Variants in ASTN2 observed in about 807,000 individuals in gnomAD.
The protein encoded by ASTN2 is astrotactin-2.
Under a neutral mutation model 139.8 loss-of-function variants are expected in ASTN2, and 54 were observed. The ratio of observed to expected loss-of-function variants is 0.39; its 90% confidence interval spans 0.31 to 0.48. The LOEUF is 0.48. Among genes scored for constraint, ASTN2 ranks in the 20% least tolerant of loss-of-function variants. The pLI is 0.95. For missense variants in ASTN2, 1,565 were observed against 1,725.1 expected (o/e 0.91, Z 1.64); for synonymous variants, 756 against 719.5 (o/e 1.05, Z -0.81).
At chr9:116,426,555 G>A (rs1316233876) in intron 22 of ASTN2, among the ~76,000 whole-genome samples, 1 of 152,130 alleles carries the variant, frequency 6.6e-6, no homozygotes, top group Non-Finnish European at 1.5e-5. Flanking sequence ...CTCAAGCAAG[G>A]CTCAGAATAA....
At chr9:116,743,793 G>A (rs112793872) in intron 13 of ASTN2, among the ~76,000 whole-genome samples, 3,511 of 152,212 alleles carry the variant, frequency 0.023, 141 homozygotes, top group South Asian at 0.16. Flanking sequence ...GTGAGCCACC[G>A]TACCAGGCAG....
chr9:117,364,816 A>C (rs1829790454), intron 1 of ASTN2, among the ~76,000 whole-genome samples: 1 of 152,090 alleles, frequency 6.6e-6, no homozygotes, highest in Non-Finnish European at 1.5e-5. Context: ...ACATTAAGTA[A>C]ATAAAAAAGA....
chr9:116,841,727 T>G (rs1832266544), intron 11 of ASTN2, among the ~76,000 whole-genome samples: 1 of 152,140 alleles, frequency 6.6e-6, no homozygotes, highest in African/African-American at 2.4e-5. Flanking sequence ...AATAACTCCT[T>G]CCTCACTAGG....
At chr9:116,443,045 A>C (rs551734579) in intron 20 of ASTN2, among the ~76,000 whole-genome samples, 1 of 152,246 alleles carries the variant, frequency 6.6e-6, no homozygotes, top group Non-Finnish European at 1.5e-5. Flanking sequence ...AAGTAAGTAA[A>C]ATCAAAAAGT....
At chr9:117,192,972 C>A (rs1332719006) in intron 3 of ASTN2, among the ~76,000 whole-genome samples, 2 of 152,158 alleles carry the variant, frequency 1.3e-5, no homozygotes, top group East Asian at 1.9e-4. Flanking sequence ...CCGTTTTATA[C>A]CCTTCTTAAC....
intron 14 of ASTN2, among the ~76,000 whole-genome samples, chr9:116,733,042 A>C (rs559251418): frequency 8.5e-5 from 13 of 152,252 alleles, no homozygotes; most frequent in Non-Finnish European, 1.3e-4. Context: ...ACGAACCAAG[A>C]AAACAAAATA....
chr9:116,857,728 G>C (rs1238974208), intron 11 of ASTN2, among the ~76,000 whole-genome samples: 2 of 152,128 alleles, frequency 1.3e-5, no homozygotes, highest in African/African-American at 2.4e-5. Flanking sequence ...GGTAGCCCTT[G>C]TCTGTCTCCA....
intron 2 of ASTN2, among the ~76,000 whole-genome samples, chr9:117,232,552 T>C (rs749844348): frequency 2.2e-4 from 34 of 152,140 alleles, no homozygotes; most frequent in Non-Finnish European, 4.0e-4. Context: ...AAATACCCAT[T>C]TTTGCCAAGT....
At chr9:116,473,579 G>A (rs1049170595) in intron 20 of ASTN2, among the ~76,000 whole-genome samples, 1 of 152,136 alleles carries the variant, frequency 6.6e-6, no homozygotes, top group African/African-American at 2.4e-5. Flanking sequence ...TCCCCTTCAA[G>A]GTCATCATTT....
chr9:117,383,646 T>C (rs931819917), intron 1 of ASTN2, among the ~76,000 whole-genome samples: 13 of 151,992 alleles, frequency 8.6e-5, no homozygotes, highest in African/African-American at 2.9e-4. Flanking sequence ...CGAGTAGAGG[T>C]AAAATTCAAT....
chr9:117,194,559 A>G (rs1465636797), intron 3 of ASTN2, among the ~76,000 whole-genome samples: 1 of 152,212 alleles, frequency 6.6e-6, no homozygotes, highest in Non-Finnish European at 1.5e-5. Context: ...GTGCAGGCTC[A>G]CTGTATAAAA....
chr9:116,809,570 T>C (rs1265510340), intron 12 of ASTN2, among the ~76,000 whole-genome samples: 2 of 152,234 alleles, frequency 1.3e-5, no homozygotes, highest in African/African-American at 4.8e-5. Flanking sequence ...TGCTCTTCCA[T>C]ATTTTTCCTT....
chr9:116,607,640 T>C (rs2131783304), intron 19 of ASTN2, among the ~76,000 whole-genome samples: 1 of 150,466 alleles, frequency 6.6e-6, no homozygotes, highest in Non-Finnish European at 1.5e-5. Context: ...CTGGATTTAT[T>C]TGCCCTACTG....
In ASTN2 at chr9:116,820,556, T is replaced by C. The variant is rs1379606242; in HGVS notation, c.2207+61A>G. On this transcript the variant is annotated intron_variant, in intron 12 of 22. Transcript: ENST00000313400. ...TTGCTGAGCTGTAGTGTCTGATCAT[T>C]TTCCCATGCATCCCTCACTTCTGTA... The C allele has an allele frequency of 9.0e-6, 14 of 1,561,816 alleles. No individual in the cohort carries two copies. In the East Asian group the frequency reaches 3.2e-4, roughly 35 times the overall value.
intron 20 of ASTN2, among the ~76,000 whole-genome samples, chr9:116,451,381 CTG>C (rs1298670816): frequency 1.3e-5 from 2 of 152,256 alleles, no homozygotes; most frequent in East Asian, 1.9e-4. Flanking sequence ...CAGTTCCACT[CTG>C]TGTGCTTTGC....
At chr9:116,661,327 T>G (rs576553604) in intron 16 of ASTN2, among the ~76,000 whole-genome samples, 2 of 152,272 alleles carry the variant, frequency 1.3e-5, no homozygotes, top group South Asian at 4.1e-4. Flanking sequence ...AGGATCATTG[T>G]GTGCAAAGCA....
chr9:117,080,353 C>T (rs1362273358), intron 5 of ASTN2, among the ~76,000 whole-genome samples: 1 of 152,114 alleles, frequency 6.6e-6, no homozygotes, highest in Non-Finnish European at 1.5e-5. Flanking sequence ...TTTACTTAGC[C>T]ATCCTCCTAT....
chr9:117,403,767 C>T (rs1830904666), intron 1 of ASTN2, among the ~76,000 whole-genome samples: 1 of 152,170 alleles, frequency 6.6e-6, no homozygotes, highest in African/African-American at 2.4e-5. Context: ...GCTCCCACAA[C>T]ACCCACCTGC....
chr9:116,577,264 C>T (rs1298324216), intron 19 of ASTN2, among the ~76,000 whole-genome samples: 1 of 152,202 alleles, frequency 6.6e-6, no homozygotes, highest in East Asian at 1.9e-4. Flanking sequence ...CACGGTGGCT[C>T]ATGCCTGTAA....
Sources: allele counts gnomAD v4.1 joint callset (sites outside exome capture counted in the v4.1 genomes callset), GRCh38; gene constraint gnomAD v4.1.1; transcripts MANE v1.5; gene names NCBI Gene and HGNC (gene_info 2026-07-23, HGNC 2026-07-21).